Variants in PRKN observed in about 807,000 individuals in gnomAD.
PRKN encodes parkin RBR E3 ubiquitin protein ligase, also known as E3 ubiquitin-protein ligase parkin.
PRKN carries 56 observed loss-of-function variants against 59.5 expected under a neutral mutation model. The ratio of observed to expected loss-of-function variants is 0.94; its 90% CI spans 0.76 to 1.18. PRKN has a LOEUF of 1.18. PRKN is among the 50% of genes most tolerant of loss of function. PRKN has a pLI of 0.00. For missense variants in PRKN, 657 were observed against 596.4 expected, an observed-to-expected ratio of 1.10 and a Z score of -1.06; for synonymous variants, 250 against 222.1, an observed-to-expected ratio of 1.13 and a Z score of -1.12.
chr6:161,935,976 G>T (rs1019821195), intron 6 of PRKN, among the ~76,000 whole-genome samples: 2 of 152,062 alleles, frequency 1.3e-5, no homozygotes, highest in African/African-American at 4.8e-5. Flanking sequence ...CCTCTTGAGG[G>T]GTAACAAAAC....
chr6:162,311,849 T>C (rs936474120), intron 2 of PRKN, among the ~76,000 whole-genome samples: 2 of 152,042 alleles, frequency 1.3e-5, no homozygotes, highest in African/African-American at 4.8e-5. Flanking sequence ...TTATTCCTCA[T>C]GTTCCAATAT....
At chr6:161,999,865 T>TAAA (rs1221013459) in intron 5 of PRKN, among the ~76,000 whole-genome samples, 1 of 152,082 alleles carries the variant, frequency 6.6e-6, no homozygotes, top group Non-Finnish European at 1.5e-5. Flanking sequence ...ACAATAATAA[T>TAAA]AAATGATGAA....
chr6:161,853,336 G>A (rs1396330769), intron 6 of PRKN, among the ~76,000 whole-genome samples: 4 of 152,082 alleles, frequency 2.6e-5, no homozygotes, highest in Non-Finnish European at 2.9e-5. Flanking sequence ...GACTGCTTAC[G>A]GATAGATAGC....
intron 3 of PRKN, among the ~76,000 whole-genome samples, chr6:162,232,185 C>T (rs1778452550): frequency 6.6e-6 from 1 of 152,112 alleles, no homozygotes; most frequent in Non-Finnish European, 1.5e-5. Flanking sequence ...AGGGATTTGG[C>T]TAGCCTGACA....
intron 1 of PRKN, among the ~76,000 whole-genome samples, chr6:162,619,289 T>C (rs1462558683): frequency 1.3e-5 from 2 of 149,516 alleles, no homozygotes; most frequent in Non-Finnish European, 3.0e-5. Flanking sequence ...ACTACAGGCA[T>C]GCACCACCAC....
chr6:162,111,273 G>A (rs532863699), intron 4 of PRKN, among the ~76,000 whole-genome samples: 8 of 152,114 alleles, frequency 5.3e-5, no homozygotes, highest in Non-Finnish European at 8.8e-5. Flanking sequence ...AGACCATCCC[G>A]GCTAACACAG....
chr6:162,474,716 C>T (rs188831111), intron 1 of PRKN, among the ~76,000 whole-genome samples: 4 of 152,168 alleles, frequency 2.6e-5, no homozygotes, highest in African/African-American at 4.8e-5. Context: ...GAACAGGTTT[C>T]GATGGGAGAT....
At chr6:162,321,652 C>T (rs1252561033) in intron 2 of PRKN, among the ~76,000 whole-genome samples, 2 of 151,794 alleles carry the variant, frequency 1.3e-5, no homozygotes, top group Admixed American at 6.6e-5. Context: ...TGTCAAATAA[C>T]GATACATTGT....
intron 7 of PRKN, among the ~76,000 whole-genome samples, chr6:161,706,782 T>C (rs1786518888): frequency 6.6e-6 from 1 of 152,122 alleles, no homozygotes; most frequent in Non-Finnish European, 1.5e-5. Context: ...GGTCTCGAAC[T>C]CCTGGCCTCA....
rs1784637362 is a variant in PRKN, at chr6:161,353,423, C to T, written c.1286-3212G>A. 6.6e-6 allele frequency among the ~76,000 whole-genome samples: 1 copy of T among 152,148 alleles called. No homozygotes were observed. Among genetic ancestry groups the T allele is most frequent in the Non-Finnish European group, 1.5e-5 (1 of 68,036 alleles). On this transcript the variant is annotated intron_variant, in intron 11 of 11. Coordinates refer to ENST00000366898, the MANE Select transcript of PRKN (RefSeq NM_004562.3). The surrounding 1 kb of genome is among the most constrained non-coding windows in gnomAD (Gnocchi z 4.8). The stretch of plus-strand genomic sequence containing the variant: ...GCGTGAGATCAAAGCCTTTCTGTCC[C>T]ACCGCATTTCAACACGGCTGTCCAT...
chr6:161,493,941 C>A (rs1484430450), intron 9 of PRKN, among the ~76,000 whole-genome samples: 1 of 152,134 alleles, frequency 6.6e-6, no homozygotes, highest in Non-Finnish European at 1.5e-5. Flanking sequence ...ACAGACAAGA[C>A]AAGAGCCGGG....
chr6:162,704,470 G>T (rs78960490), intron 1 of PRKN, among the ~76,000 whole-genome samples: 2,379 of 152,192 alleles, frequency 0.016, 60 homozygotes, highest in African/African-American at 0.053. Flanking sequence ...TTAGATACAT[G>T]AATGCCTCAG....
At chr6:162,359,170 C>T (rs1339508242) in intron 2 of PRKN, among the ~76,000 whole-genome samples, 3 of 151,068 alleles carry the variant, frequency 2.0e-5, no homozygotes, top group Admixed American at 6.6e-5. Flanking sequence ...CCCATCAGCC[C>T]CATAGGAACA....
intron 6 of PRKN, among the ~76,000 whole-genome samples, chr6:161,809,447 C>G (rs1791472089): frequency 6.6e-6 from 1 of 152,032 alleles, no homozygotes; most frequent in Non-Finnish European, 1.5e-5. Context: ...GAAACTGGGT[C>G]AAGGTATATG....
chr6:162,478,629 T>C (rs543114104), intron 1 of PRKN, among the ~76,000 whole-genome samples: 3 of 152,106 alleles, frequency 2.0e-5, no homozygotes, highest in Non-Finnish European at 2.9e-5. Flanking sequence ...CGAGGACACA[T>C]TTTAAGAATT....
chr6:161,641,051 C>T (rs376076081), intron 7 of PRKN, among the ~76,000 whole-genome samples: 1 of 152,174 alleles, frequency 6.6e-6, no homozygotes, highest in Non-Finnish European at 1.5e-5. Flanking sequence ...CATCTTCCTT[C>T]TCATCTCCAA....
At chr6:161,862,651 G>A (rs1329286302) in intron 6 of PRKN, among the ~76,000 whole-genome samples, 1 of 152,098 alleles carries the variant, frequency 6.6e-6, no homozygotes, top group African/African-American at 2.4e-5. Flanking sequence ...CTGTGGAAGA[G>A]AGAGGAATGA....
chr6:161,908,903 G>A (rs1054514394), intron 6 of PRKN, among the ~76,000 whole-genome samples: 1 of 152,118 alleles, frequency 6.6e-6, no homozygotes, highest in South Asian at 2.1e-4. Flanking sequence ...GTGTTTTGAC[G>A]TCCAAATGTA....
chr6:161,774,408 A>ACGGCGTGGCTAGG, intron 7 of PRKN, among the ~76,000 whole-genome samples: 1 of 151,084 alleles, frequency 6.6e-6, no homozygotes, highest in South Asian at 2.1e-4. Context: ...ACACACACAC[A>ACGGCGTGGCTAGG]CACACACACA....
Sources: allele counts gnomAD v4.1 joint callset (sites outside exome capture counted in the v4.1 genomes callset), GRCh38; gene constraint gnomAD v4.1.1; non-coding constraint Gnocchi (gnomAD v3.1); transcripts MANE v1.5; gene names NCBI Gene and HGNC (gene_info 2026-07-23, HGNC 2026-07-21).